The following MYOM1 variants were observed in gnomAD, a reference collection of about 807,000 sequenced individuals.
MYOM1 encodes the protein myomesin-1.
In MYOM1, 164 loss-of-function variants were observed where a neutral mutation model predicts 205.3. That is an observed-to-expected ratio of 0.80 (90% CI 0.70 to 0.91). MYOM1 has a LOEUF of 0.91. Ranked by LOEUF, MYOM1 falls within the 40% of genes least tolerant of loss-of-function variation. The probability of loss-of-function intolerance (pLI) is 0.00; values close to 1 mark genes in which losing one functional copy is unlikely to be tolerated. For synonymous variants in MYOM1, 772 were observed against 789.4 expected (o/e 0.98, Z 0.37); for missense variants, 2,011 against 2,127.3 (o/e 0.95, Z 1.08).
chr18:3,224,047 G>A (rs971916289), upstream of MYOM1, among the ~76,000 whole-genome samples: 1 of 77,520 alleles, frequency 1.3e-5, no homozygotes, highest in Non-Finnish European at 2.7e-5. Context: ...TTTTTTTTTT[G>A]AGACACAGGC....
chr18:3,075,443 A>C lies in MYOM1; in HGVS notation c.4708+11T>G. 6.2e-7 allele frequency: 1 copy of C among 1,610,036 alleles called. No homozygotes were observed. The highest frequency in any genetic ancestry group is 8.5e-7 in the Non-Finnish European group (1 of 1,176,830). On this transcript the variant is annotated intron_variant, in intron 36 of 37. Transcript: ENST00000356443. The stretch of plus-strand genomic sequence containing the variant: ...GAGTACTTGTGAAAAGTAAAAAAAA[A>C]GTTTACTTACTTTTCTCGGCAATGG...
intron 2 of MYOM1, among the ~76,000 whole-genome samples, chr18:3,198,738 G>A (rs1347011554): frequency 6.6e-6 from 1 of 150,434 alleles, no homozygotes; most frequent in Non-Finnish European, 1.5e-5. Context: ...AGCCAAGATC[G>A]CACCACTGCC....
At chr18:3,075,589 T>C (rs757620439) in intron 35 of MYOM1, 113 bp from the exon 36 acceptor site, 2 of 1,432,252 alleles carry the variant, frequency 1.4e-6, no homozygotes, top group Non-Finnish European at 2.0e-6. Flanking sequence ...CTGTTCAATA[T>C]AACAATGGGA....
rs1351618426 is a variant in MYOM1, at chr18:3,215,713, GA to G, written c.-28-463del. On this transcript the variant is annotated intron_variant, in intron 1 of 37. Transcript: ENST00000356443. ...AAAAAACTCTCCACTTCATAGCCCAGATATGCCCCTCCTGTCATTGTACCTT... is the reference window on the plus strand; with the variant it reads ...AAAAAACTCTCCACTTCATAGCCCAGTATGCCCCTCCTGTCATTGTACCTT... Among the ~76,000 whole-genome samples, 3 of 152,100 alleles carry G rather than the reference GA, an allele frequency of 2.0e-5. No homozygotes were observed. The East Asian group carries it at 5.8e-4, about 29-fold the overall frequency.
chr18:3,175,802 T>C (rs781260491), intron 6 of MYOM1, among the ~76,000 whole-genome samples: 5 of 152,232 alleles, frequency 3.3e-5, no homozygotes, highest in Non-Finnish European at 7.3e-5. Context: ...AATTGGTTTT[T>C]TTCTCATCAT....
rs199520989 is a variant in MYOM1, at chr18:3,075,493, C to G, written c.4686-17G>C. On this transcript the variant is annotated splice_polypyrimidine_tract_variant and intron_variant, in intron 35 of 37. Coordinates refer to ENST00000356443, the MANE Select transcript of MYOM1 (RefSeq NM_003803.4). Reference sequence around the variant, plus strand: ...GCAGCTTGTCTGTGGTTGAGAGAAACGAACAAACAGACGAAGAATTTTGTG... The same window carrying G: ...GCAGCTTGTCTGTGGTTGAGAGAAAGGAACAAACAGACGAAGAATTTTGTG... 2.7e-6 allele frequency: 4 copies of G among 1,495,898 alleles called. No homozygotes were observed. In the Admixed American group the frequency reaches 8.5e-5, roughly 32 times the overall value. 92.7% of individuals were successfully genotyped at this position (1,495,898 alleles called of 1,614,324 possible).
the MYOM1 span, among the ~76,000 whole-genome samples, chr18:3,244,905 A>G: frequency 1.3e-5 from 2 of 151,536 alleles, no homozygotes; most frequent in African/African-American, 4.8e-5. Flanking sequence ...TCTCAAAAAA[A>G]TAAGTAAATA....
chr18:3,232,007 G>C, the MYOM1 span, among the ~76,000 whole-genome samples: 1 of 151,660 alleles, frequency 6.6e-6, no homozygotes, highest in South Asian at 2.1e-4. Context: ...TTATTTCCTT[G>C]CTTTTTTTAA....
Position 3,071,908 on chromosome 18 carries a change from T to A in MYOM1, c.4709-19A>T. ...GCACGATCTGCAAGCATAGGCATTT[T>A]GGGTTAATCACTGCAGTGGCAAGGC... On this transcript the variant is annotated intron_variant, in intron 36 of 37. Transcript: ENST00000356443. 1 of 1,598,238 alleles carries A rather than the reference T, an allele frequency of 6.3e-7. No homozygotes were observed. Among genetic ancestry groups the A allele is most frequent in the Non-Finnish European group, 8.5e-7 (1 of 1,172,206 alleles).
chr18:3,208,401 C>A (rs1263779802), intron 2 of MYOM1, among the ~76,000 whole-genome samples: 3 of 152,346 alleles, frequency 2.0e-5, no homozygotes, highest in Non-Finnish European at 2.9e-5. Context: ...ATAGTTCCAG[C>A]TACTTGCGGG....
chr18:3,167,574 AG>A (rs766864804), intron 9 of MYOM1, among the ~76,000 whole-genome samples: 23 of 152,034 alleles, frequency 1.5e-4, no homozygotes, highest in African/African-American at 5.6e-4. Flanking sequence ...TGGTAGAGAC[AG>A]GGTTTCACCA....
At position 3,136,631 on chromosome 18, in the gene MYOM1, G is replaced by A. The variant is rs79630548; in HGVS notation, c.2026-901C>T. 1.0e-3 allele frequency among the ~76,000 whole-genome samples: 155 copies of A among 151,974 alleles called. 3 individuals are homozygous for A. The East Asian group carries it at 0.028, about 28-fold the overall frequency. Reference sequence around the variant, plus strand: ...TTTGGTAGAGACAAGGTTTCCCCATGTTGCCTAGGCTGGTCTCGAACTCCT... The same window carrying A: ...TTTGGTAGAGACAAGGTTTCCCCATATTGCCTAGGCTGGTCTCGAACTCCT... On this transcript the variant is annotated intron_variant, in intron 14 of 37. Transcript: ENST00000356443.
chr18:3,072,706 C>T (rs8099364), intron 36 of MYOM1, among the ~76,000 whole-genome samples: 48,172 of 149,914 alleles, frequency 0.32, 7,847 homozygotes, highest in African/African-American at 0.38. Context: ...GTGTGGGGGG[C>T]GGTGGGGGAG....
At chr18:3,199,018 G>A (rs2081030602) in intron 2 of MYOM1, among the ~76,000 whole-genome samples, 1 of 152,034 alleles carries the variant, frequency 6.6e-6, no homozygotes, top group African/African-American at 2.4e-5. Flanking sequence ...ATCAATCAAA[G>A]GCGTACACTA....
chr18:3,090,958 G>T (rs2079218052), intron 26 of MYOM1, among the ~76,000 whole-genome samples, 156 bp from the exon 27 acceptor site: 1 of 152,062 alleles, frequency 6.6e-6, no homozygotes, highest in Non-Finnish European at 1.5e-5. Context: ...GAGGTGGGAG[G>T]ATTACTTGAG....
chr18:3,074,821 T>A (rs1267933902), intron 36 of MYOM1, among the ~76,000 whole-genome samples: 2 of 152,212 alleles, frequency 1.3e-5, no homozygotes, highest in Non-Finnish European at 1.5e-5. Flanking sequence ...TTGTTTTGTT[T>A]TGTTTTTGAG....
At chr18:3,127,021 T>C in intron 18 of MYOM1, 124 bp from the exon 19 acceptor site, 1 of 801,862 alleles carries the variant, frequency 1.2e-6, no homozygotes, top group Non-Finnish European at 2.0e-6. Flanking sequence ...AATTCGAGGC[T>C]GATGAACTTG....
the MYOM1 span, among the ~76,000 whole-genome samples, chr18:3,231,077 A>G: frequency 6.6e-6 from 1 of 152,228 alleles, no homozygotes; most frequent in Non-Finnish European, 1.5e-5. Flanking sequence ...TCCTGAGGAA[A>G]GCTGCCCTGC....
Position 3,129,533 on chromosome 18 carries a change from A to T in MYOM1, c.2507-14T>A. ...ACACTCCTCCCCCTACAGTTGCCAG[A>T]CAACAACAGAAACGCATTGAGCCCG... On this transcript the variant is annotated splice_polypyrimidine_tract_variant and intron_variant, in intron 17 of 37. Coordinates refer to ENST00000356443, the MANE Select transcript of MYOM1 (RefSeq NM_003803.4). 6.3e-7 allele frequency: 1 copy of T among 1,588,502 alleles called. No homozygotes were observed. Among genetic ancestry groups the T allele is most frequent in the Non-Finnish European group, 8.5e-7 (1 of 1,171,004 alleles).
Sources: allele counts gnomAD v4.1 joint callset (sites outside exome capture counted in the v4.1 genomes callset), GRCh38; gene constraint gnomAD v4.1.1; transcripts MANE v1.5; gene names NCBI Gene and HGNC (gene_info 2026-07-23, HGNC 2026-07-21).